ABCC5: variants seen among roughly 807,000 people sequenced by gnomAD.
The protein encoded by ABCC5 is ATP binding cassette subfamily C member 5, also known as ATP-binding cassette sub-family C member 5.
A neutral mutation model predicts 160.9 loss-of-function variants in ABCC5; 61 were observed. That is an observed-to-expected ratio of 0.38 (90% CI 0.31 to 0.47). The LOEUF is 0.47. ABCC5 is among the 20% of genes least tolerant of loss of function. ABCC5 has a pLI of 0.99. For missense variants in ABCC5, 1,308 were observed against 1,813.3 expected, an observed-to-expected ratio of 0.72 and a Z score of 5.06; for synonymous variants, 666 against 700.6, an observed-to-expected ratio of 0.95 and a Z score of 0.78.
At chr3:183,926,060 G>A (rs1234250310) in intron 28 of ABCC5, among the ~76,000 whole-genome samples, 2 of 147,354 alleles carry the variant, frequency 1.4e-5, no homozygotes, top group Non-Finnish European at 3.0e-5. Flanking sequence ...GGATGGTCTC[G>A]ACCTCCTGAC....
At chr3:184,009,647 T>A (rs4148560) in intron 2 of ABCC5, among the ~76,000 whole-genome samples, 7,141 of 152,268 alleles carry the variant, frequency 0.047, 252 homozygotes, top group East Asian at 0.17. Context: ...AGATTCTAGA[T>A]GGTGTCTGAA....
rs370159143 is a variant in ABCC5, at chr3:183,984,216, C to T, written c.592-1209G>A. On this transcript the variant is annotated intron_variant, in intron 5 of 29. Transcript: ENST00000334444. ...TCGGGACAGAATAAAAAATCCTAGG[C>T]CTCAAGGAAAAACTGGTGGCATCCT... 3.0e-6 allele frequency: 3 copies of T among 985,436 alleles called. No homozygotes were observed. The East Asian group carries it at 3.4e-4, about 112-fold the overall frequency. The allele number at this position is 985,436 out of a possible 1,614,324, so 61.0% of individuals were successfully genotyped here.
Position 183,981,861 on chromosome 3 carries a change from C to T in ABCC5, c.1013G>A (p.Arg338Gln). The change falls in exon 8 of 30, where the codon CGG (arginine) becomes CAG (glutamine). Residue 338 changes from arginine (R) to glutamine (Q), a missense_variant. Around this residue, in one of 3 missense-constraint regions of ABCC5, gnomAD observed 1,142 missense variants for 1,527.1 expected, o/e 0.75. Coordinates refer to ENST00000334444, the MANE Select transcript of ABCC5 (RefSeq NM_005688.4). ...TTTTCTCCTGAAATATGCTGTGAGC[C>T]GTGATGCAAACATCTGAAAGGAAAA... ...LFYPAMMFAS[R>Q]LTAYFRRKCV... 4 of 1,598,516 alleles carry T rather than the reference C, an allele frequency of 2.5e-6. No homozygotes were observed. The highest frequency in any genetic ancestry group is 8.5e-7 in the Non-Finnish European group (1 of 1,175,620).
At chr3:183,981,615 T>C (rs1718749437) in intron 8 of ABCC5, 112 bp downstream of exon 8, 1 of 1,184,288 alleles carries the variant, frequency 8.4e-7, no homozygotes. Flanking sequence ...CCTACGATAC[T>C]AGACACTAGT....
chr3:183,938,166 G>A, intron 25 of ABCC5, 106 bp from the exon 26 acceptor site: 2 of 1,153,172 alleles, frequency 1.7e-6, no homozygotes, highest in South Asian at 1.5e-5. Flanking sequence ...TTTCTATTCA[G>A]TTGTTATTTC....
At chr3:183,924,553 C>T (rs73179625) in intron 29 of ABCC5, among the ~76,000 whole-genome samples, 4,872 of 152,322 alleles carry the variant, frequency 0.032, 93 homozygotes, top group Non-Finnish European at 0.052. Flanking sequence ...TTATAAATGG[C>T]TTGCTATTTC....
At chr3:183,979,268 C>T (rs911955264) in intron 8 of ABCC5, among the ~76,000 whole-genome samples, 2 of 151,444 alleles carry the variant, frequency 1.3e-5, no homozygotes, top group African/African-American at 2.4e-5. Flanking sequence ...TTGCCTGAAC[C>T]TGGGAGGTGG....
intron 10 of ABCC5, 51 bp from the exon 11 acceptor site, chr3:183,971,970 A>G: frequency 6.2e-7 from 1 of 1,609,234 alleles, no homozygotes; most frequent in Non-Finnish European, 8.5e-7. Flanking sequence ...GATCAAGACC[A>G]GGGAGACAAG....
chr3:183,964,696 C>T (rs1051733512), intron 14 of ABCC5, among the ~76,000 whole-genome samples: 6 of 152,200 alleles, frequency 3.9e-5, no homozygotes, highest in African/African-American at 7.2e-5. Context: ...CAGGGCAATT[C>T]ATGGGAGACA....
intron 11 of ABCC5, among the ~76,000 whole-genome samples, chr3:183,968,100 CAG>C (rs1203424332): frequency 2.6e-5 from 4 of 151,986 alleles, no homozygotes; most frequent in African/African-American, 9.7e-5. Flanking sequence ...TTTTAGAAGA[CAG>C]GGTAGGGCTT....
intron 11 of ABCC5, among the ~76,000 whole-genome samples, chr3:183,968,018 G>A (rs950191330): frequency 3.3e-5 from 5 of 152,062 alleles, no homozygotes; most frequent in South Asian, 2.1e-4. Flanking sequence ...GTATCCCACC[G>A]TCATTCTTAG....
intron 15 of ABCC5, among the ~76,000 whole-genome samples, chr3:183,962,886 A>T (rs1439994235): frequency 1.3e-5 from 2 of 151,984 alleles, no homozygotes; most frequent in African/African-American, 2.4e-5. Context: ...TTAAATTTAC[A>T]CCCTTTCACT....
intron 18 of ABCC5, 74 bp downstream of exon 18, chr3:183,953,012 A>G: frequency 6.9e-7 from 1 of 1,440,696 alleles, no homozygotes; most frequent in Non-Finnish European, 9.4e-7. Context: ...CAGTTTCCCT[A>G]AGAATAGCCA....
intron 29 of ABCC5, among the ~76,000 whole-genome samples, chr3:183,924,244 G>A (rs903308627): frequency 5.3e-5 from 8 of 152,114 alleles, no homozygotes; most frequent in East Asian, 3.9e-4. Context: ...GCTCTTGAAC[G>A]CCTGAGCTCA....
At chr3:183,945,137 C>T (rs563141335) in intron 24 of ABCC5, among the ~76,000 whole-genome samples, 8 of 152,292 alleles carry the variant, frequency 5.3e-5, no homozygotes, top group Middle Eastern at 3.4e-3. Context: ...GTTAAGCCTT[C>T]GGAACTGTGA....
At chr3:183,999,488 T>C (rs906115869) in intron 2 of ABCC5, among the ~76,000 whole-genome samples, 5 of 152,110 alleles carry the variant, frequency 3.3e-5, no homozygotes, top group Admixed American at 1.3e-4. Flanking sequence ...GACAAATAAA[T>C]ACCAGATTGG....
In ABCC5 at chr3:183,989,293, C is replaced by T. The variant is rs745692602; in HGVS notation, c.220G>A (p.Glu74Lys). 7.3e-5 allele frequency: 117 copies of T among 1,613,528 alleles called. No homozygotes were observed. Among genetic ancestry groups the T allele is most frequent in the Non-Finnish European group, 9.7e-5 (114 of 1,179,780 alleles). ...SMHSQLRILD[E>K]EHPKGKYHHG... ...TGGTACTTTCCCTTGGGATGCTCCT[C>T]ATCCAGGATTCTGAGCTGAGAATGC... Residue 74 changes from glutamate to lysine, a missense_variant, in exon 3 of 30, where the codon GAG becomes AAG. This residue lies in a region of ABCC5 where 1,142 missense variants were observed against 1,527.1 expected (regional missense o/e 0.75). Transcript: ENST00000334444.
At position 183,981,764 on chromosome 3, in the gene ABCC5, C is replaced by T; in HGVS notation, c.1110G>A (p.Met370Ile). Residue 370 changes from methionine to isoleucine, a missense_variant, in exon 8 of 30, where the codon ATG (methionine) becomes ATA (isoleucine). By Grantham distance (10) the Met-to-Ile change is conservative (BLOSUM62 1). This residue lies in a region of ABCC5 where 1,142 missense variants were observed against 1,527.1 expected (regional missense o/e 0.75). Transcript: ENST00000334444. Reference protein sequence around the residue: ...EVLTYIKFIKMYAWVKAFSQS... With the variant: ...EVLTYIKFIKIYAWVKAFSQS... ...GAGAAAATGCTTTGACCCAGGCATA[C>T]ATTTTGATAAATTTAATGTAAGTAA... is the stretch of plus-strand genomic sequence containing the variant. The T allele has an allele frequency of 6.2e-7, 1 of 1,610,476 alleles. No homozygotes were observed. Among genetic ancestry groups the T allele is most frequent in the Middle Eastern group, 1.7e-4 (1 of 6,056 alleles).
chr3:183,949,866 C>T lies in ABCC5; in HGVS notation c.3114G>A (p.Glu1038=). ...LHIVSRVLIR[E]LKRLDNITQS... ...GCGTGATATTGTCCAGACGCTTCAG[C>T]TCCCGAATCAGGACCCTGGAGAGAG... Residue 1038 remains glutamate, a synonymous_variant, in exon 22 of 30, where the codon GAG becomes GAA. Transcript: ENST00000334444. This position sits in a 1 kb window ranked among gnomAD's most constrained non-coding sequence, Gnocchi z 4.2. The T allele has an allele frequency of 1.2e-6, 2 of 1,614,208 alleles. No individual in the cohort carries two copies. Among genetic ancestry groups the T allele is most frequent in the Non-Finnish European group, 1.7e-6 (2 of 1,180,032 alleles).
Sources: gnomAD v4.1 joint callset for allele counts (sites outside exome capture counted in the v4.1 genomes callset) on GRCh38, gnomAD v4.1.1 for gene constraint, gnomAD v4.1.1 regional missense constraint, Gnocchi (gnomAD v3.1) non-coding constraint, MANE v1.5 for transcripts, NCBI Gene and HGNC (gene_info 2026-07-23, HGNC 2026-07-21) for gene names.